The following PON3 variants were observed in gnomAD, a reference collection of about 807,000 sequenced individuals.
The protein encoded by PON3 is serum paraoxonase/lactonase 3.
PON3 carries 37 observed loss-of-function variants against 36.3 expected under a neutral mutation model. The ratio of observed to expected loss-of-function variants is 1.02; its 90% CI spans 0.78 to 1.34. PON3 has a LOEUF of 1.34. Ranked by LOEUF, PON3 falls within the 40% of genes most tolerant of loss-of-function variation. The pLI is 0.00. For synonymous variants in PON3, 155 were observed against 154.8 expected (o/e 1.00, Z -0.01); for missense variants, 415 against 426.5 (o/e 0.97, Z 0.24).
intron 3 of PON3, chr7:95,377,404 T>C (rs1029062538): frequency 2.9e-5 from 6 of 207,036 alleles, no homozygotes; most frequent in Admixed American, 2.9e-4. Context: ...CTGACAGCTC[T>C]GAAGACAGCA....
At chr7:95,388,972 G>C (rs1319442649) in intron 3 of PON3, among the ~76,000 whole-genome samples, 1 of 152,062 alleles carries the variant, frequency 6.6e-6, no homozygotes, top group East Asian at 1.9e-4. Flanking sequence ...ATAGCATTAG[G>C]AGAAATACCT....
At position 95,359,943 on chromosome 7, in the gene PON3, CTTTTT is replaced by C; in HGVS notation, c.*25_*29del. ...AGTTTACTTTTACAAAATATGTAGACTTTTTTTTTTTTTTTTTACTATCTAGAGTC... is the reference window on the plus strand; with the variant it reads ...AGTTTACTTTTACAAAATATGTAGACTTTTTTTTTTTTACTATCTAGAGTC... On this transcript the variant is annotated 3_prime_UTR_variant, in exon 9 of 9. Coordinates refer to ENST00000265627, the MANE Select transcript of PON3 (RefSeq NM_000940.3). 19 of 1,464,740 alleles carry C rather than the reference CTTTTT, an allele frequency of 1.3e-5. No individual in the cohort carries two copies. Among genetic ancestry groups the C allele is most frequent in the Admixed American group, 1.9e-5 (1 of 51,446 alleles). The allele number at this position is 1,464,740 out of a possible 1,614,324, so 90.7% of individuals were successfully genotyped here.
At chr7:95,383,586 G>C (rs1339639811) in intron 3 of PON3, among the ~76,000 whole-genome samples, 1 of 152,128 alleles carries the variant, frequency 6.6e-6, no homozygotes, top group African/African-American at 2.4e-5. Context: ...CAAATCATGA[G>C]TGAACTCCCA....
At chr7:95,382,106 G>A (rs1430264376) in intron 3 of PON3, among the ~76,000 whole-genome samples, 4 of 152,094 alleles carry the variant, frequency 2.6e-5, no homozygotes, top group Non-Finnish European at 5.9e-5. Context: ...ATGACTACTG[G>A]GTACATAATG....
At chr7:95,373,463 C>A (rs1189121507) in intron 3 of PON3, among the ~76,000 whole-genome samples, 1 of 152,180 alleles carries the variant, frequency 6.6e-6, no homozygotes, top group Non-Finnish European at 1.5e-5. Context: ...ACCGGCACTA[C>A]TGAAGCTCAT....
chr7:95,396,152 TG>T, intron 1 of PON3, 124 bp downstream of exon 1: 1 of 1,010,794 alleles, frequency 9.9e-7, no homozygotes, highest in Non-Finnish European at 1.6e-6. Context: ...CTGGGTGAGA[TG>T]GAGGAGTGAG....
At chr7:95,374,476 T>C (rs1236517159) in intron 3 of PON3, among the ~76,000 whole-genome samples, 3 of 152,112 alleles carry the variant, frequency 2.0e-5, no homozygotes, top group Non-Finnish European at 4.4e-5. Context: ...AGCTTCTTCT[T>C]TGGCCTAAAA....
intron 3 of PON3, among the ~76,000 whole-genome samples, chr7:95,375,128 C>T (rs1808886521): frequency 6.6e-6 from 1 of 151,956 alleles, no homozygotes; most frequent in Admixed American, 6.6e-5. Flanking sequence ...CTATGCTCCC[C>T]AACATCAGAA....
At chr7:95,390,659 C>T (rs192944408) in intron 2 of PON3, among the ~76,000 whole-genome samples, 223 of 152,148 alleles carry the variant, frequency 1.5e-3, no homozygotes, top group Non-Finnish European at 2.3e-3. Flanking sequence ...AAGCCTAAAA[C>T]GCTACATTAT....
chr7:95,388,778 T>A (rs1452368094), intron 3 of PON3, among the ~76,000 whole-genome samples: 4 of 152,228 alleles, frequency 2.6e-5, no homozygotes, highest in African/African-American at 4.8e-5. Flanking sequence ...GATGAGTTCA[T>A]GTCCTTTGCA....
intron 3 of PON3, among the ~76,000 whole-genome samples, chr7:95,375,330 A>T (rs1808892387): frequency 6.7e-6 from 1 of 150,280 alleles, no homozygotes; most frequent in African/African-American, 2.4e-5. Flanking sequence ...GTGTGTATAT[A>T]TGTATGTATA....
chr7:95,371,577 G>A (rs1808808945), intron 4 of PON3, among the ~76,000 whole-genome samples: 1 of 152,124 alleles, frequency 6.6e-6, no homozygotes, highest in Non-Finnish European at 1.5e-5. Flanking sequence ...TGTGCTTACA[G>A]GCCTTTGTGT....
intron 6 of PON3, among the ~76,000 whole-genome samples, chr7:95,363,155 A>T (rs1282767999): frequency 6.6e-6 from 1 of 152,084 alleles, no homozygotes; most frequent in African/African-American, 2.4e-5. Flanking sequence ...TTACAAGGCC[A>T]AAAGTGTATA....
intron 3 of PON3, among the ~76,000 whole-genome samples, chr7:95,381,877 C>T (rs1196668865): frequency 6.6e-6 from 1 of 152,194 alleles, no homozygotes. Flanking sequence ...CAGAACTCTC[C>T]ACCCAAATTA....
chr7:95,361,092 T>C (rs7797694), intron 8 of PON3, among the ~76,000 whole-genome samples: 4,245 of 152,200 alleles, frequency 0.028, 114 homozygotes, highest in African/African-American at 0.068. Context: ...ACAGACATTG[T>C]GGTTGGGCTT....
chr7:95,394,748 G>T (rs573651509), intron 1 of PON3, 34 bp from the exon 2 acceptor site: 2 of 1,554,324 alleles, frequency 1.3e-6, no homozygotes, highest in South Asian at 2.2e-5. Flanking sequence ...TGGAAGTCAA[G>T]GCACAGCATT....
chr7:95,372,499 T>C (rs1368452201), intron 3 of PON3, among the ~76,000 whole-genome samples, 161 bp from the exon 4 acceptor site: 1 of 152,162 alleles, frequency 6.6e-6, no homozygotes, highest in African/African-American at 2.4e-5. Flanking sequence ...TGATCTGATC[T>C]GGGGTGTTAC....
chr7:95,387,332 T>C, intron 3 of PON3, among the ~76,000 whole-genome samples: 1 of 152,128 alleles, frequency 6.6e-6, no homozygotes, highest in Non-Finnish European at 1.5e-5. Context: ...AGCATTCCTA[T>C]ACACCAATAA....
rs1297590352 is a variant in PON3 at position 95,372,474 on chromosome 7, T to C, written c.202-136A>G. ...TTTAGATTACTGGGCTTTTTCACTCTGTCAGCTGTTTCCATGATCTGATCT... is the reference window on the plus strand; with the variant it reads ...TTTAGATTACTGGGCTTTTTCACTCCGTCAGCTGTTTCCATGATCTGATCT... On this transcript the variant is annotated intron_variant, in intron 3 of 8. Transcript: ENST00000265627. 7 of 953,010 alleles carry C rather than the reference T, an allele frequency of 7.3e-6. No individual in the cohort carries two copies. In the East Asian group the frequency reaches 1.8e-4, roughly 25 times the overall value. The allele number at this position is 953,010 out of a possible 1,614,324, so 59.0% of individuals were successfully genotyped here.
Sources: gnomAD v4.1 joint callset for allele counts (sites outside exome capture counted in the v4.1 genomes callset) on GRCh38, gnomAD v4.1.1 for gene constraint, MANE v1.5 for transcripts, NCBI Gene and HGNC (gene_info 2026-07-23, HGNC 2026-07-21) for gene names.